ADAMTS12: variants seen among roughly 807,000 people sequenced by gnomAD.
ADAMTS12 encodes the protein ADAM metallopeptidase with thrombospondin type 1 motif 12.
A neutral mutation model predicts 167.8 loss-of-function variants in ADAMTS12; 118 were observed. The ratio of observed to expected loss-of-function variants is 0.70; its 90% CI spans 0.61 to 0.82. The LOEUF (loss-of-function observed/expected upper bound fraction) is 0.82. Ranked by LOEUF, ADAMTS12 falls within the 40% of genes least tolerant of loss-of-function variation. The probability of loss-of-function intolerance (pLI) is 0.00; values close to 1 mark genes in which losing one functional copy is unlikely to be tolerated. For synonymous variants in ADAMTS12, 704 were observed against 716.9 expected (o/e 0.98, Z 0.29); for missense variants, 1,916 against 1,998.8 (o/e 0.96, Z 0.79).
intron 19 of ADAMTS12, among the ~76,000 whole-genome samples, chr5:33,572,879 C>T (rs1468830855): frequency 7.7e-6 from 1 of 130,472 alleles, no homozygotes; most frequent in African/African-American, 3.1e-5. Context: ...TCTCCTTAAG[C>T]TGATAAGCAA....
intron 16 of ADAMTS12, among the ~76,000 whole-genome samples, chr5:33,607,642 G>T (rs1738514170): frequency 1.3e-5 from 2 of 152,132 alleles, no homozygotes; most frequent in East Asian, 1.9e-4. Context: ...CTTTCCATGA[G>T]CATGGAATGT....
At chr5:33,545,276 G>A (rs544533002) in intron 22 of ADAMTS12, among the ~76,000 whole-genome samples, 225 of 152,260 alleles carry the variant, frequency 1.5e-3, no homozygotes, top group Middle Eastern at 6.8e-3. Context: ...ATCATCACTG[G>A]TCATCAGAGA....
intron 2 of ADAMTS12, among the ~76,000 whole-genome samples, chr5:33,785,728 T>C (rs1746302060): frequency 6.6e-6 from 1 of 152,154 alleles, no homozygotes; most frequent in African/African-American, 2.4e-5. Flanking sequence ...AAATGTAAAA[T>C]GGTACAATTA....
Position 33,621,399 on chromosome 5 carries a change from C to CA in ADAMTS12, c.2143+2831dup, listed in dbSNP as rs202182365. On this transcript the variant is annotated intron_variant, in intron 14 of 23. Transcript: ENST00000504830. ...TGGGTGACACAGCAAGACTCCATCT[C>CA]AAAAAAAAAAAAAAAAAAAAGAATA... Among the ~76,000 whole-genome samples the CA allele has an allele frequency of 8.9e-3, 729 of 81,778 alleles. 10 individuals are homozygous for CA. The highest frequency in any genetic ancestry group is 0.08 in the East Asian group (285 of 3,558). 53.6% of individuals were successfully genotyped at this position (81,778 alleles called of 152,430 possible).
At chr5:33,791,933 G>T (rs1231716100) in intron 2 of ADAMTS12, among the ~76,000 whole-genome samples, 4 of 151,176 alleles carry the variant, frequency 2.6e-5, no homozygotes, top group African/African-American at 9.7e-5. Flanking sequence ...ATAGGTCCTG[G>T]TGGTAATTAT....
At chr5:33,679,028 A>G (rs938860466) in intron 5 of ADAMTS12, among the ~76,000 whole-genome samples, 8 of 152,334 alleles carry the variant, frequency 5.3e-5, no homozygotes, top group African/African-American at 1.9e-4. Context: ...TGAAAGGATG[A>G]TAATGTCATG....
At position 33,683,942 on chromosome 5, in the gene ADAMTS12, T is replaced by A. The variant is rs1266678548; in HGVS notation, c.748A>T (p.Thr250Ser). 6.2e-7 allele frequency: 1 copy of A among 1,612,072 alleles called. No individual in the cohort carries two copies. The highest frequency in any genetic ancestry group is 1.7e-5 in the Admixed American group (1 of 59,818). Residue 250 changes from threonine (T) to serine (S), a missense_variant, in exon 4 of 24, where the codon ACA (threonine) becomes TCA (serine). Thr to Ser is a moderately conservative substitution (Grantham distance 58). Transcript: ENST00000504830. ...ATCTTTGTGTCGGCCACCACCAGTG[T>A]CTCCACCCATCTCTCCTTGCTGATG... The part of the protein sequence containing the change: ...RSISKERWVE[T>S]LVVADTKMIE...
chr5:33,784,347 G>A (rs1385198253), intron 2 of ADAMTS12, among the ~76,000 whole-genome samples: 1 of 151,816 alleles, frequency 6.6e-6, no homozygotes, highest in African/African-American at 2.4e-5. Flanking sequence ...TACTGATGGT[G>A]AGCCAACGTG....
intron 13 of ADAMTS12, among the ~76,000 whole-genome samples, chr5:33,625,668 T>A (rs1369930401): frequency 6.6e-6 from 1 of 152,162 alleles, no homozygotes; most frequent in Non-Finnish European, 1.5e-5. Flanking sequence ...GTTTTATATT[T>A]CTAAAGTAAT....
At chr5:33,702,690 CTG>C (rs1388480570) in intron 3 of ADAMTS12, among the ~76,000 whole-genome samples, 1 of 152,184 alleles carries the variant, frequency 6.6e-6, no homozygotes, top group Non-Finnish European at 1.5e-5. Flanking sequence ...TACGAATCAA[CTG>C]TGCATTTTTT....
At chr5:33,624,092 A>C in intron 14 of ADAMTS12, 139 bp downstream of exon 14, 1 of 1,320,392 alleles carries the variant, frequency 7.6e-7, no homozygotes, top group Non-Finnish European at 1.0e-6. Context: ...TTTGTGGTAA[A>C]GGCTATATTC....
intron 2 of ADAMTS12, among the ~76,000 whole-genome samples, chr5:33,858,845 G>A (rs1241244528): frequency 6.6e-6 from 1 of 151,898 alleles, no homozygotes; most frequent in East Asian, 1.9e-4. Flanking sequence ...AACAGTGAGT[G>A]CAGCCCACAG....
chr5:33,604,876 C>T (rs1738362350), intron 16 of ADAMTS12, among the ~76,000 whole-genome samples: 1 of 152,060 alleles, frequency 6.6e-6, no homozygotes, highest in Non-Finnish European at 1.5e-5. Context: ...CTAATCAAAC[C>T]TGTAAATTAT....
chr5:33,682,758 G>A (rs940581287), intron 5 of ADAMTS12, among the ~76,000 whole-genome samples: 1 of 152,146 alleles, frequency 6.6e-6, no homozygotes, highest in African/African-American at 2.4e-5. Context: ...TTTAGTGACT[G>A]CGGTGAGTCT....
chr5:33,711,110 G>A (rs1309272010), intron 3 of ADAMTS12, among the ~76,000 whole-genome samples: 1 of 151,918 alleles, frequency 6.6e-6, no homozygotes, highest in Non-Finnish European at 1.5e-5. Context: ...CCTACCCCTG[G>A]ACCAGCTTTA....
chr5:33,793,104 T>C (rs1279185927), intron 2 of ADAMTS12, among the ~76,000 whole-genome samples: 1 of 152,378 alleles, frequency 6.6e-6, no homozygotes, highest in Admixed American at 6.5e-5. Context: ...GACTTTGGCC[T>C]CTTGGCCACC....
chr5:33,827,700 G>C (rs2112513160), intron 2 of ADAMTS12, among the ~76,000 whole-genome samples: 1 of 141,236 alleles, frequency 7.1e-6, no homozygotes, highest in South Asian at 2.5e-4. Context: ...TATGTCCTTG[G>C]AGAAAACAAA....
At chr5:33,549,059 C>T in intron 21 of ADAMTS12, 148 bp downstream of exon 21, 1 of 993,496 alleles carries the variant, frequency 1.0e-6, no homozygotes, top group Non-Finnish European at 1.4e-6. Context: ...TTCAGCTTCT[C>T]ACATACAGGG....
chr5:33,547,309 C>A (rs574275975), intron 21 of ADAMTS12, among the ~76,000 whole-genome samples: 1 of 152,174 alleles, frequency 6.6e-6, no homozygotes, highest in African/African-American at 2.4e-5. Context: ...AAATTTCAGG[C>A]CCCACCTCAG....
Sources: gnomAD v4.1 joint callset for allele counts (sites outside exome capture counted in the v4.1 genomes callset) on GRCh38, gnomAD v4.1.1 for gene constraint, MANE v1.5 for transcripts, NCBI Gene and HGNC (gene_info 2026-07-23, HGNC 2026-07-21) for gene names.